KCNQ4: variants seen among roughly 807,000 people sequenced by gnomAD.
KCNQ4 encodes the protein potassium voltage-gated channel subfamily Q member 4.
In KCNQ4, 31 loss-of-function variants were observed where a neutral mutation model predicts 72.6. The ratio of observed to expected loss-of-function variants is 0.43; its 90% confidence interval spans 0.32 to 0.58. The LOEUF (loss-of-function observed/expected upper bound fraction) is 0.58, where lower values mean the gene tolerates loss of function less well. Among genes scored for constraint, KCNQ4 ranks in the 20% least tolerant of loss-of-function variants. The pLI is 0.08. For synonymous variants in KCNQ4, 405 were observed against 403.7 expected, an observed-to-expected ratio of 1.00 and a Z score of -0.04; for missense variants, 869 against 962.6, an observed-to-expected ratio of 0.90 and a Z score of 1.29.
At position 40,817,395 on chromosome 1, in the gene KCNQ4, G is replaced by A. The variant is rs371392505; in HGVS notation, c.405+40G>A. 1.1e-5 allele frequency: 17 copies of A among 1,528,312 alleles called. No homozygotes were observed. The highest frequency in any genetic ancestry group is 1.5e-5 in the Non-Finnish European group (17 of 1,107,140). 94.7% of individuals were successfully genotyped at this position (1,528,312 alleles called of 1,614,324 possible). A position where few individuals can be genotyped will look rare whatever the true frequency, so the allele number is the denominator to read the frequency against. ...TCCGGGACTGAGGGGGGCTGTGTGA[G>A]GTAGCACCTCTGGGCTGGGAGTCCG... On this transcript the variant is annotated intron_variant, in intron 2 of 13. Transcript: ENST00000347132. The surrounding 1 kb of genome is among the most constrained non-coding windows in gnomAD (Gnocchi z 5.5).
At chr1:40,835,134 G>A (rs762480337) in intron 12 of KCNQ4, 36 bp downstream of exon 12, 30 of 1,605,474 alleles carry the variant, frequency 1.9e-5, no homozygotes, top group Non-Finnish European at 2.3e-5. Flanking sequence ...GCAGGGGCAG[G>A]GAGGCAGCGA....
intron 4 of KCNQ4, 58 bp from the exon 5 acceptor site, chr1:40,819,289 C>G: frequency 6.2e-7 from 1 of 1,607,424 alleles, no homozygotes; most frequent in African/African-American, 1.3e-5. Context: ...GTGGAAGCCC[C>G]CCACATCTCC....
chr1:40,811,678 G>A (rs1463450861), intron 1 of KCNQ4, among the ~76,000 whole-genome samples: 2 of 152,210 alleles, frequency 1.3e-5, no homozygotes, highest in Non-Finnish European at 2.9e-5. Flanking sequence ...GGAAAGGTTG[G>A]ATAAGCCTTG....
intron 1 of KCNQ4, among the ~76,000 whole-genome samples, chr1:40,792,770 C>A (rs1647309420): frequency 6.6e-6 from 1 of 152,088 alleles, no homozygotes; most frequent in East Asian, 1.9e-4. Context: ...GGGTATCAAT[C>A]CCTCCCCTAT....
chr1:40,837,595 C>G, intron 12 of KCNQ4, 70 bp from the exon 13 acceptor site: 1 of 1,559,020 alleles, frequency 6.4e-7, no homozygotes, highest in Non-Finnish European at 8.7e-7. Context: ...CTTCATCAGG[C>G]AACCTATAAT....
chr1:40,804,586 C>T (rs1204794326), intron 1 of KCNQ4, among the ~76,000 whole-genome samples: 4 of 152,104 alleles, frequency 2.6e-5, no homozygotes, highest in Non-Finnish European at 1.5e-5. Context: ...GAGATGGAGG[C>T]AGGAGAATTG....
chr1:40,832,830 C>G (rs2148330949), intron 10 of KCNQ4, among the ~76,000 whole-genome samples, 184 bp from the exon 11 acceptor site: 1 of 151,904 alleles, frequency 6.6e-6, no homozygotes, highest in African/African-American at 2.4e-5. Flanking sequence ...GGGCATGCAA[C>G]ACACTGGGGC....
intron 1 of KCNQ4, among the ~76,000 whole-genome samples, chr1:40,815,718 A>G (rs751624513): frequency 5.3e-4 from 81 of 152,006 alleles, no homozygotes; most frequent in African/African-American, 1.5e-3. Context: ...CCCCCCAAAA[A>G]GGTCAGGAAC....
In KCNQ4 at chr1:40,794,133, T is replaced by C. The variant is rs1341971926; in HGVS notation, c.314+9726T>C. ...ACTGAGCTGTGGGTGTTCATGATTTTTATCCCGAGTGAGCTCCAGGTGAAG... is the reference window on the plus strand; with the variant it reads ...ACTGAGCTGTGGGTGTTCATGATTTCTATCCCGAGTGAGCTCCAGGTGAAG... On this transcript the variant is annotated intron_variant, in intron 1 of 13. Transcript: ENST00000347132. This position sits in a 1 kb window ranked among gnomAD's most constrained non-coding sequence, Gnocchi z 4.2. Among the ~76,000 whole-genome samples the C allele has an allele frequency of 3.3e-5, 5 of 152,132 alleles. No individual in the cohort carries two copies. The highest frequency in any genetic ancestry group is 7.4e-5 in the Non-Finnish European group (5 of 68,016).
At position 40,817,979 on chromosome 1, in the gene KCNQ4, GTCT is replaced by G. The variant is rs1182384481; in HGVS notation, c.406-180_406-178del. ...AGGGGAGGACACACTAGGGCTTTTA[GTCT>G]TCTTGCAGGAGGCGGAGGGGGCCAC... On this transcript the variant is annotated intron_variant, in intron 2 of 13. Coordinates refer to ENST00000347132, the MANE Select transcript of KCNQ4 (RefSeq NM_004700.4). The surrounding 1 kb of genome is among the most constrained non-coding windows in gnomAD (Gnocchi z 5.5). Among the ~76,000 whole-genome samples, 1 of 152,156 alleles carries G rather than the reference GTCT, an allele frequency of 6.6e-6. No homozygotes were observed. The highest frequency in any genetic ancestry group is 1.5e-5 in the Non-Finnish European group (1 of 68,024).
Position 40,824,235 on chromosome 1 carries a change from C to T in KCNQ4, c.1269C>T (p.Ser423=). The part of the protein sequence containing the change: ...PPVATCHRPG[S]TSFCPGESSR... ...TTGCCACCTGCCACCGGCCGGGCAG[C>T]ACCTCCTTCTGCCCTGGGGAAAGGT... The change falls in exon 9 of 14, where the codon AGC becomes AGT. Residue 423 remains serine (S), a synonymous_variant. Transcript: ENST00000347132. The T allele has an allele frequency of 6.2e-7, 1 of 1,608,592 alleles. No individual in the cohort carries two copies. The highest frequency in any genetic ancestry group is 8.5e-7 in the Non-Finnish European group (1 of 1,178,290).
intron 1 of KCNQ4, among the ~76,000 whole-genome samples, chr1:40,804,438 G>A (rs1481457843): frequency 6.6e-6 from 1 of 152,158 alleles, no homozygotes; most frequent in Non-Finnish European, 1.5e-5. Flanking sequence ...TAAATGAGAA[G>A]GTTGGTTAAT....
At chr1:40,837,880 C>T (rs1648851979) in intron 13 of KCNQ4, 86 bp downstream of exon 13, 1 of 1,527,776 alleles carries the variant, frequency 6.5e-7, no homozygotes, top group Admixed American at 2.0e-5. Flanking sequence ...TTTCCCACAG[C>T]CACAGCCCAA....
At chr1:40,799,038 G>C (rs1324808127) in intron 1 of KCNQ4, among the ~76,000 whole-genome samples, 1 of 152,266 alleles carries the variant, frequency 6.6e-6, no homozygotes, top group East Asian at 1.9e-4. Context: ...CCTAATCCAA[G>C]GGCTGCAGCC....
At chr1:40,790,310 A>G (rs1391884379) in intron 1 of KCNQ4, among the ~76,000 whole-genome samples, 3 of 152,230 alleles carry the variant, frequency 2.0e-5, no homozygotes, top group Non-Finnish European at 2.9e-5. Context: ...ACTGTTAGCC[A>G]TGATCATCGT....
rs1360793919 is a variant in KCNQ4 at position 40,784,321 on chromosome 1, G to A, written c.228G>A (p.Ala76=). The A allele has an allele frequency of 6.2e-7, 1 of 1,606,832 alleles. No homozygotes were observed. The change falls in exon 1 of 14, where the codon GCG becomes GCA. Residue 76 remains alanine (A), a synonymous_variant. Transcript: ENST00000347132. This position sits in a 1 kb window ranked among gnomAD's most constrained non-coding sequence, Gnocchi z 4.1. The part of the protein sequence containing the change: ...GSACGQRSSA[A]HKRYRRLQNW... The stretch of plus-strand genomic sequence containing the variant: ...CCTGCGGCCAGCGCTCCTCGGCCGC[G>A]CACAAGCGCTACCGCCGCCTGCAGA...
intron 12 of KCNQ4, 135 bp downstream of exon 12, chr1:40,835,233 T>C: frequency 8.6e-7 from 1 of 1,156,276 alleles, no homozygotes; most frequent in Non-Finnish European, 1.2e-6. Context: ...AGGAGGTCCC[T>C]GGCTTGCAGT....
chr1:40,823,989 C>A, intron 8 of KCNQ4, 108 bp from the exon 9 acceptor site: 3 of 1,332,296 alleles, frequency 2.3e-6, no homozygotes, highest in Non-Finnish European at 2.1e-6. Flanking sequence ...GTGAACACCT[C>A]TAGAGCAGCA....
rs72661521 is a variant in KCNQ4, at chr1:40,834,750, C to T, written c.1614-217C>T. On this transcript the variant is annotated intron_variant, in intron 11 of 13. Transcript: ENST00000347132. ...CATACCATGGCACCCTGAACCCCAT[C>T]CTCCACCCCGGCTGGTTGATTAACC... Among the ~76,000 whole-genome samples, 10,435 of 151,840 alleles carry T rather than the reference C, an allele frequency of 0.069. 398 individuals are homozygous for T. Among genetic ancestry groups the T allele is most frequent in the Middle Eastern group, 0.095 (28 of 294 alleles).
Sources: allele counts gnomAD v4.1 joint callset (sites outside exome capture counted in the v4.1 genomes callset), GRCh38; gene constraint gnomAD v4.1.1; non-coding constraint Gnocchi (gnomAD v3.1); transcripts MANE v1.5; gene names NCBI Gene and HGNC (gene_info 2026-07-23, HGNC 2026-07-21).